RNFT2: variants seen among roughly 807,000 people sequenced by gnomAD.
RNFT2 encodes the protein ring finger protein, transmembrane 2.
Under a neutral mutation model 53.0 loss-of-function variants are expected in RNFT2, and 36 were observed. The observed-to-expected ratio is 0.68, with a 90% CI of 0.52 to 0.90. The LOEUF (loss-of-function observed/expected upper bound fraction) is 0.90, where lower values mean the gene tolerates loss of function less well. RNFT2 is among the 40% of genes least tolerant of loss of function. RNFT2 has a pLI of 0.00. For synonymous variants in RNFT2, 260 were observed against 253.2 expected (o/e 1.03, Z -0.26); for missense variants, 514 against 585.6 (o/e 0.88, Z 1.26).
At chr12:116,761,975 G>A (rs904981518) in intron 5 of RNFT2, among the ~76,000 whole-genome samples, 1 of 150,580 alleles carries the variant, frequency 6.6e-6, no homozygotes, top group East Asian at 2.0e-4. Flanking sequence ...GCTGAGGCAT[G>A]AGAATCATTT....
intron 7 of RNFT2, among the ~76,000 whole-genome samples, chr12:116,781,295 C>G (rs1873687743): frequency 6.6e-6 from 1 of 152,176 alleles, no homozygotes; most frequent in African/African-American, 2.4e-5. Context: ...CCTGCGCGAA[C>G]TATATCAATG....
Position 116,853,053 on chromosome 12 carries a change from T to C in RNFT2, c.*3605T>C, listed in dbSNP as rs1878001900. On this transcript the variant is annotated 3_prime_UTR_variant, in exon 11 of 11. Coordinates refer to ENST00000257575, the MANE Select transcript of RNFT2 (RefSeq NM_001382266.1). ...TTTTATTAGTGCATGCCCTACCCTC[T>C]GGGGGAACGTCCCATCTGAGGTTTT... 3 of 415,612 alleles carry C rather than the reference T, an allele frequency of 7.2e-6. No individual in the cohort carries two copies. Among genetic ancestry groups the C allele is most frequent in the Non-Finnish European group, 1.3e-5 (3 of 236,914 alleles). 25.7% of individuals were successfully genotyped at this position (415,612 alleles called of 1,614,324 possible).
At chr12:116,798,521 A>T (rs1229683148) in intron 7 of RNFT2, among the ~76,000 whole-genome samples, 2 of 152,154 alleles carry the variant, frequency 1.3e-5, no homozygotes, top group East Asian at 1.9e-4. Context: ...TCATTTTCTC[A>T]TCTGTAAAAT....
chr12:116,773,693 T>C (rs1873299241), intron 6 of RNFT2, among the ~76,000 whole-genome samples: 1 of 152,150 alleles, frequency 6.6e-6, no homozygotes, highest in African/African-American at 2.4e-5. Context: ...GAAGAATCTG[T>C]AGAGGGTGTA....
chr12:116,830,305 C>T (rs1388506890), intron 7 of RNFT2, among the ~76,000 whole-genome samples: 7 of 151,746 alleles, frequency 4.6e-5, no homozygotes, highest in South Asian at 2.1e-4. Context: ...TTTTTGTTTT[C>T]GAGACAGGGT....
At chr12:116,740,602 A>G in intron 2 of RNFT2, 81 bp downstream of exon 2, 4 of 1,252,912 alleles carry the variant, frequency 3.2e-6, no homozygotes, top group Non-Finnish European at 4.6e-6. Context: ...TGGTTTGACC[A>G]CTCCACCCCT....
intron 3 of RNFT2, among the ~76,000 whole-genome samples, chr12:116,741,951 T>C (rs540099094): frequency 2.6e-3 from 394 of 152,056 alleles, no homozygotes; most frequent in African/African-American, 6.1e-3. Context: ...GCACCTGGCA[T>C]GGGTTAGGTT....
At chr12:116,767,567 T>TG (rs1315317768) in intron 6 of RNFT2, among the ~76,000 whole-genome samples, 15 of 150,380 alleles carry the variant, frequency 1.0e-4, no homozygotes, top group African/African-American at 1.8e-4. Context: ...AAAAATTATG[T>TG]TTTTTTTTTG....
chr12:116,741,693 C>T (rs1472935855), intron 3 of RNFT2, among the ~76,000 whole-genome samples: 1 of 152,190 alleles, frequency 6.6e-6, no homozygotes, highest in East Asian at 1.9e-4. Flanking sequence ...CTCTGTTACC[C>T]AGGCTGGAGT....
At chr12:116,841,901 ATATATAAATATATATATAAAAATATATAT>A (rs1172268111) in intron 10 of RNFT2, among the ~76,000 whole-genome samples, 2 of 38,268 alleles carry the variant, frequency 5.2e-5, no homozygotes, top group Non-Finnish European at 7.6e-5. Context: ...AAAAATATAT[ATATATAAATATATATATAAAAATATATAT>A]ATATAAATAT....
intron 7 of RNFT2, among the ~76,000 whole-genome samples, chr12:116,817,850 C>G (rs12301988): frequency 0.72 from 109,207 of 152,118 alleles, 41,917 homozygotes; most frequent in Non-Finnish European, 0.86. Flanking sequence ...TTATGACAGG[C>G]ACTGCGAAGG....
intron 4 of RNFT2, among the ~76,000 whole-genome samples, chr12:116,752,267 T>C (rs1283803619): frequency 1.3e-5 from 2 of 152,134 alleles, no homozygotes; most frequent in Non-Finnish European, 2.9e-5. Context: ...TTCTGGTGAC[T>C]GCCAGCTCGC....
Position 116,852,881 on chromosome 12 carries a change from C to T in RNFT2, c.*3433C>T. The T allele has an allele frequency of 3.1e-6, 2 of 644,852 alleles. No individual in the cohort carries two copies. Among genetic ancestry groups the T allele is most frequent in the Non-Finnish European group, 2.7e-6 (1 of 374,370 alleles). The allele number at this position is 644,852 out of a possible 1,614,324, so 39.9% of individuals were successfully genotyped here. On this transcript the variant is annotated 3_prime_UTR_variant, in exon 11 of 11. Coordinates refer to ENST00000257575, the MANE Select transcript of RNFT2 (RefSeq NM_001382266.1). The stretch of plus-strand genomic sequence containing the variant: ...CAATGTAGGTTACTAGTGAATACCC[C>T]AATGGTTTCTCCAATTATGCCCATG...
intron 7 of RNFT2, among the ~76,000 whole-genome samples, chr12:116,825,089 C>T (rs1876255911): frequency 6.6e-6 from 1 of 152,152 alleles, no homozygotes; most frequent in South Asian, 2.1e-4. Flanking sequence ...AGGTCTGATG[C>T]GTCAGCTGCA....
At position 116,779,186 on chromosome 12, in the gene RNFT2, TC is replaced by T. The variant is rs761400237; in HGVS notation, c.729-3del. ...GGGAACCTTCTGACTCTCTCAATCC[TC>T]CCCCCAGCCTCATATTCCTGAAGCC... On this transcript the variant is annotated splice_region_variant and splice_polypyrimidine_tract_variant and intron_variant, in intron 6 of 10. Transcript: ENST00000257575. 1.2e-6 allele frequency: 2 copies of T among 1,613,730 alleles called. No homozygotes were observed. Among genetic ancestry groups the T allele is most frequent in the South Asian group, 1.1e-5 (1 of 91,058 alleles).
chr12:116,785,275 G>GTGTGTGT (rs1555261550), intron 7 of RNFT2, among the ~76,000 whole-genome samples: 12 of 138,186 alleles, frequency 8.7e-5, no homozygotes, highest in Non-Finnish European at 1.3e-4. Flanking sequence ...GTGTGTGTGT[G>GTGTGTGT]GCGGGGGGGG....
At chr12:116,757,727 C>T (rs1375796181) in intron 5 of RNFT2, among the ~76,000 whole-genome samples, 2 of 151,998 alleles carry the variant, frequency 1.3e-5, no homozygotes, top group South Asian at 2.1e-4. Context: ...TATTGAGGCT[C>T]GTTTTGTGGC....
chr12:116,783,812 A>G (rs1489210981), intron 7 of RNFT2, among the ~76,000 whole-genome samples: 1 of 152,242 alleles, frequency 6.6e-6, no homozygotes, highest in Admixed American at 6.5e-5. Context: ...ACTTGAGAAC[A>G]GATTGTCAAC....
intron 3 of RNFT2, among the ~76,000 whole-genome samples, chr12:116,745,926 C>A (rs1267021655): frequency 5.3e-5 from 8 of 152,044 alleles, no homozygotes; most frequent in Non-Finnish European, 1.2e-4. Context: ...CAGCACTGAC[C>A]ACACATTAGA....
Sources: gnomAD v4.1 joint callset for allele counts (sites outside exome capture counted in the v4.1 genomes callset) on GRCh38, gnomAD v4.1.1 for gene constraint, MANE v1.5 for transcripts, NCBI Gene and HGNC (gene_info 2026-07-23, HGNC 2026-07-21) for gene names.